Variants in KIAA0319 observed in about 807,000 individuals in gnomAD.
KIAA0319 encodes the protein dyslexia-associated protein KIAA0319.
In KIAA0319, 83 loss-of-function variants were observed where a neutral mutation model predicts 108.4. The ratio of observed to expected loss-of-function variants is 0.77; its 90% confidence interval spans 0.64 to 0.92. The LOEUF (loss-of-function observed/expected upper bound fraction) is 0.92, where lower values mean the gene tolerates loss of function less well. Among genes scored for constraint, KIAA0319 ranks in the 40% least tolerant of loss-of-function variants. The pLI is 0.00. For missense variants in KIAA0319, 1,195 were observed against 1,322.4 expected, an observed-to-expected ratio of 0.90 and a Z score of 1.49; for synonymous variants, 484 against 510.4, an observed-to-expected ratio of 0.95 and a Z score of 0.70.
intron 17 of KIAA0319, among the ~76,000 whole-genome samples, chr6:24,557,611 A>C (rs971740884): frequency 6.6e-6 from 1 of 152,246 alleles, no homozygotes; most frequent in Non-Finnish European, 1.5e-5. Flanking sequence ...ATTTATCTAC[A>C]TTATAGCATT....
At chr6:24,540,582 C>T (rs1476517561), downstream of KIAA0319, among the ~76,000 whole-genome samples, 2 of 151,858 alleles carry the variant, frequency 1.3e-5, no homozygotes, top group Non-Finnish European at 2.9e-5. Context: ...AGCTTTGCTG[C>T]TTGCTAATCT....
rs746255929 is a variant in KIAA0319, at chr6:24,547,333, G to T, written c.3051C>A (p.His1017Gln). ...GGCTGGAGTTGTGCTCTGTGCTTCG[G>T]TGCTTGATACCTAGAGAGAAGCACA... ...MELRPKYGIK[H>Q]RSTEHNSSLM... Residue 1017 changes from histidine to glutamine, a missense_variant, in exon 21 of 21, where the codon CAC (histidine) becomes CAA (glutamine). Physicochemically the swap from His to Gln is conservative, Grantham distance 24. Coordinates refer to ENST00000378214, the MANE Select transcript of KIAA0319 (RefSeq NM_014809.4). 6.2e-7 allele frequency: 1 copy of T among 1,613,862 alleles called. No individual in the cohort carries two copies. The highest frequency in any genetic ancestry group is 1.3e-5 in the African/African-American group (1 of 74,924).
At chr6:24,543,323 G>A (rs567222663), downstream of KIAA0319, among the ~76,000 whole-genome samples, 1 of 152,352 alleles carries the variant, frequency 6.6e-6, no homozygotes, top group East Asian at 1.9e-4. Context: ...GGGTAATTAT[G>A]TTTGTTCAAC....
intron 16 of KIAA0319, among the ~76,000 whole-genome samples, chr6:24,561,114 C>T (rs180971800): frequency 6.6e-6 from 1 of 152,328 alleles, no homozygotes; most frequent in East Asian, 1.9e-4. Flanking sequence ...GGTCTATAAA[C>T]CTTGTAATAA....
chr6:24,559,617 T>TAAA (rs3032307), intron 16 of KIAA0319, among the ~76,000 whole-genome samples: 2 of 148,642 alleles, frequency 1.3e-5, no homozygotes, highest in Admixed American at 1.3e-4. Context: ...TCCATAATAG[T>TAAA]AAAAAAAAAA....
Position 24,596,105 on chromosome 6 carries a change from C to G in KIAA0319, c.569G>C (p.Gly190Ala). 6.2e-7 allele frequency: 1 copy of G among 1,614,106 alleles called. No individual in the cohort carries two copies. The highest frequency in any genetic ancestry group is 8.5e-7 in the Non-Finnish European group (1 of 1,179,990). ...AGAGGAGTTGAAGGCCCCCTCGCTG[C>G]CCGGCAGTAGGCCCCAGTCCGTGTA... ...AEYTDWGLLP[G>A]SEGAFNSSVG... The change falls in exon 3 of 21, where the codon GGC (glycine) becomes GCC (alanine). Residue 190 changes from glycine (G) to alanine (A), a missense_variant. Gly to Ala is a moderately conservative substitution (Grantham distance 60, BLOSUM62 0). Transcript: ENST00000378214.
At chr6:24,601,650 A>G (rs187886648) in intron 1 of KIAA0319, among the ~76,000 whole-genome samples, 172 of 152,284 alleles carry the variant, frequency 1.1e-3, no homozygotes, top group Middle Eastern at 3.4e-3. Flanking sequence ...GAAGTGGGGC[A>G]TCCTACGTGA....
intron 1 of KIAA0319, among the ~76,000 whole-genome samples, chr6:24,601,595 T>A (rs551012903): frequency 2.7e-4 from 41 of 152,314 alleles, no homozygotes; most frequent in Admixed American, 5.2e-4. Context: ...TCAGGTGTGC[T>A]CTAATTGGAG....
downstream of KIAA0319, among the ~76,000 whole-genome samples, chr6:24,542,363 A>G (rs886350431): frequency 3.3e-5 from 5 of 152,326 alleles, no homozygotes; most frequent in Middle Eastern, 3.4e-3. Flanking sequence ...AAATTATGTG[A>G]ACAAATATGA....
chr6:24,581,771 A>G (rs1766580616), intron 6 of KIAA0319, among the ~76,000 whole-genome samples: 1 of 152,228 alleles, frequency 6.6e-6, no homozygotes, highest in Non-Finnish European at 1.5e-5. Context: ...CGCCATCCAA[A>G]GCCTCTTAAC....
chr6:24,582,407 G>T, intron 5 of KIAA0319, 61 bp from the exon 6 acceptor site: 1 of 983,510 alleles, frequency 1.0e-6, no homozygotes, highest in Non-Finnish European at 1.6e-6. Context: ...GATAACCTGG[G>T]CAGAGGGAAG....
At chr6:24,633,139 T>TA (rs1775782407) in intron 1 of KIAA0319, among the ~76,000 whole-genome samples, 1 of 151,988 alleles carries the variant, frequency 6.6e-6, no homozygotes, top group Non-Finnish European at 1.5e-5. Context: ...ATCAAACTAA[T>TA]AAAAAAATCA....
intron 7 of KIAA0319, among the ~76,000 whole-genome samples, chr6:24,580,627 GA>G (rs1335867411): frequency 6.6e-6 from 1 of 152,198 alleles, no homozygotes; most frequent in African/African-American, 2.4e-5. Context: ...CTGAATCACG[GA>G]GAGTGGAGGT....
intron 19 of KIAA0319, among the ~76,000 whole-genome samples, chr6:24,554,197 G>T (rs1761979453): frequency 6.6e-6 from 1 of 152,160 alleles, no homozygotes; most frequent in South Asian, 2.1e-4. Context: ...TTGCTTGACT[G>T]GTGTGTGCGA....
At chr6:24,596,645 G>A (rs1562030013) in intron 2 of KIAA0319, 27 bp from the exon 3 acceptor site, 2 of 1,563,680 alleles carry the variant, frequency 1.3e-6, no homozygotes, top group South Asian at 2.4e-5. Flanking sequence ...TTCTAATGAG[G>A]GAGAGAGGCA....
intron 10 of KIAA0319, among the ~76,000 whole-genome samples, chr6:24,573,645 GA>G (rs1171063006): frequency 6.6e-6 from 1 of 152,208 alleles, no homozygotes; most frequent in Non-Finnish European, 1.5e-5. Flanking sequence ...CAGACACATG[GA>G]AAAGATTCTG....
chr6:24,589,072 C>G (rs1224846953), intron 3 of KIAA0319, among the ~76,000 whole-genome samples: 3 of 152,114 alleles, frequency 2.0e-5, no homozygotes, highest in African/African-American at 7.2e-5. Flanking sequence ...CTGACCAGTT[C>G]AATGGACTGA....
intron 1 of KIAA0319, among the ~76,000 whole-genome samples, chr6:24,627,202 T>C (rs1468658985): frequency 6.6e-6 from 1 of 152,246 alleles, no homozygotes; most frequent in Non-Finnish European, 1.5e-5. Context: ...GTTGTTCCCA[T>C]GTTGTTAGAT....
chr6:24,636,323 A>G (rs546908917), intron 1 of KIAA0319, among the ~76,000 whole-genome samples: 1 of 152,364 alleles, frequency 6.6e-6, no homozygotes, highest in South Asian at 2.1e-4. Context: ...CTGGGCATTC[A>G]ATGACCACTT....
Sources: gnomAD v4.1 joint callset for allele counts (sites outside exome capture counted in the v4.1 genomes callset) on GRCh38, gnomAD v4.1.1 for gene constraint, MANE v1.5 for transcripts, NCBI Gene and HGNC (gene_info 2026-07-23, HGNC 2026-07-21) for gene names.